The following CDH13 variants were observed in gnomAD, a reference collection of about 807,000 sequenced individuals.
CDH13 encodes the protein cadherin-13.
A neutral mutation model predicts 63.8 loss-of-function variants in CDH13; 24 were observed. That is an observed-to-expected ratio of 0.38 (90% confidence interval 0.27 to 0.53). The LOEUF (loss-of-function observed/expected upper bound fraction) is 0.53, where lower values mean the gene tolerates loss of function less well. CDH13 is among the 20% of genes least tolerant of loss of function. The pLI is 0.85. For synonymous variants in CDH13, 503 were observed against 355.3 expected, an observed-to-expected ratio of 1.42 and a Z score of -4.67; for missense variants, 1,049 against 903.1, an observed-to-expected ratio of 1.16 and a Z score of -2.07.
In CDH13 at chr16:83,406,407, T is replaced by A. The variant is rs535308425; in HGVS notation, c.781+61401T>A. On this transcript the variant is annotated intron_variant, in intron 6 of 13. Coordinates refer to ENST00000567109, the MANE Select transcript of CDH13 (RefSeq NM_001257.5). ...GCCCAAGTTAGAATGGAACCCCAGC[T>A]CTCTTTCTTTCCCCCCCCGCCTCTC... 1.8e-3 allele frequency among the ~76,000 whole-genome samples: 262 copies of A among 149,070 alleles called. 1 individual carries two copies. The highest frequency in any genetic ancestry group is 6.3e-3 in the African/African-American group (255 of 40,464).
At chr16:82,807,411 C>G (rs1037104302) in intron 1 of CDH13, among the ~76,000 whole-genome samples, 2 of 152,080 alleles carry the variant, frequency 1.3e-5, no homozygotes, top group Non-Finnish European at 2.9e-5. Flanking sequence ...AGGAAGAGGT[C>G]TGGTAGCTGA....
intron 2 of CDH13, among the ~76,000 whole-genome samples, chr16:82,863,523 C>T (rs1198211349): frequency 2.0e-5 from 3 of 152,206 alleles, no homozygotes; most frequent in African/African-American, 7.2e-5. Context: ...GAGTTATTCA[C>T]ATCCTCCAAG....
At chr16:82,938,541 G>T (rs11865978) in intron 2 of CDH13, among the ~76,000 whole-genome samples, 56,074 of 152,050 alleles carry the variant, frequency 0.37, 14,624 homozygotes, top group African/African-American at 0.75. Flanking sequence ...AGCATCAGCA[G>T]GGGCCTTCTG....
chr16:83,289,084 T>A (rs2089400555), intron 5 of CDH13, among the ~76,000 whole-genome samples: 1 of 151,912 alleles, frequency 6.6e-6, no homozygotes, highest in African/African-American at 2.4e-5. Context: ...GAAACAGGAG[T>A]GAAAAGAATC....
intron 5 of CDH13, among the ~76,000 whole-genome samples, chr16:83,230,620 C>G (rs901367519): frequency 2.0e-5 from 3 of 152,152 alleles, no homozygotes; most frequent in Non-Finnish European, 4.4e-5. Context: ...AACCCCATCT[C>G]TACTAAAAAC....
At chr16:83,228,602 G>A (rs1309346377) in intron 5 of CDH13, among the ~76,000 whole-genome samples, 1 of 152,232 alleles carries the variant, frequency 6.6e-6, no homozygotes, top group African/African-American at 2.4e-5. Context: ...AGGAATGACA[G>A]GAGACAGAGA....
intron 3 of CDH13, among the ~76,000 whole-genome samples, chr16:83,067,848 C>T (rs765086989): frequency 2.0e-5 from 3 of 152,122 alleles, no homozygotes; most frequent in South Asian, 2.1e-4. Context: ...CTCTAGATAC[C>T]GGAATGTCTC....
intron 7 of CDH13, among the ~76,000 whole-genome samples, chr16:83,556,826 C>G (rs1369111179): frequency 6.6e-6 from 1 of 152,250 alleles, no homozygotes; most frequent in Non-Finnish European, 1.5e-5. Flanking sequence ...ACAGTCTCAG[C>G]TGATGCCAGG....
At chr16:82,821,657 G>A (rs2038004787) in intron 1 of CDH13, among the ~76,000 whole-genome samples, 1 of 152,218 alleles carries the variant, frequency 6.6e-6, no homozygotes. Context: ...CTACAAACAT[G>A]AATCAATGAC....
At chr16:82,643,309 T>A (rs1282979993) in intron 1 of CDH13, among the ~76,000 whole-genome samples, 1 of 152,224 alleles carries the variant, frequency 6.6e-6, no homozygotes, top group Non-Finnish European at 1.5e-5. Context: ...ACACACCACC[T>A]GTCTTACAGT....
At chr16:83,218,407 G>C (rs951174458) in intron 5 of CDH13, among the ~76,000 whole-genome samples, 9 of 152,102 alleles carry the variant, frequency 5.9e-5, no homozygotes, top group African/African-American at 2.2e-4. Context: ...GCATTTGCTG[G>C]GGGAGTCACC....
intron 4 of CDH13, among the ~76,000 whole-genome samples, chr16:83,195,008 T>C (rs1339473610): frequency 1.3e-5 from 2 of 152,236 alleles, no homozygotes; most frequent in East Asian, 1.9e-4. Flanking sequence ...AATATTCCAA[T>C]AGAAATAACC....
intron 13 of CDH13, among the ~76,000 whole-genome samples, chr16:83,793,334 A>T (rs1307845250): frequency 6.6e-6 from 1 of 152,182 alleles, no homozygotes; most frequent in African/African-American, 2.4e-5. Flanking sequence ...GGATCTGAGC[A>T]TCCTAGAGCC....
rs551686166 is a variant in CDH13 at position 82,810,797 on chromosome 16, TG to T, written c.46-47564del. On this transcript the variant is annotated intron_variant, in intron 1 of 13. Coordinates refer to ENST00000567109, the MANE Select transcript of CDH13 (RefSeq NM_001257.5). ...AGAGAAGCTGGACCATGCAGAGCCT[TG>T]TAGGTGATGGGAAGGATTTTGCTTT... Among the ~76,000 whole-genome samples the T allele has an allele frequency of 3.6e-3, 546 of 151,984 alleles. 2 individuals are homozygous for T. The highest frequency in any genetic ancestry group is 0.012 in the African/African-American group (511 of 41,464).
chr16:83,214,070 C>T (rs773637582), intron 4 of CDH13, among the ~76,000 whole-genome samples: 1 of 152,026 alleles, frequency 6.6e-6, no homozygotes, highest in Non-Finnish European at 1.5e-5. Context: ...TGGCCACCCC[C>T]AAGGCAGCAG....
chr16:83,174,611 A>C lies in CDH13; in HGVS notation c.484-42734A>C, dbSNP rs969413290. 8.6e-5 allele frequency among the ~76,000 whole-genome samples: 13 copies of C among 151,946 alleles called. No individual in the cohort carries two copies. In the East Asian group the frequency reaches 2.3e-3, roughly 27 times the overall value. ...AGCCACTAGCCACCTGTGGTTACTTAAATTTACCCTTAAGCTAATTAAAAT... is the reference window on the plus strand; with the variant it reads ...AGCCACTAGCCACCTGTGGTTACTTCAATTTACCCTTAAGCTAATTAAAAT... On this transcript the variant is annotated intron_variant, in intron 4 of 13. Coordinates refer to ENST00000567109, the MANE Select transcript of CDH13 (RefSeq NM_001257.5).
In CDH13 at chr16:83,395,509, C is replaced by A. The variant is rs905902171; in HGVS notation, c.781+50503C>A. Among the ~76,000 whole-genome samples the A allele has an allele frequency of 1.2e-4, 18 of 152,262 alleles. 1 individual carries two copies. The South Asian group carries it at 1.5e-3, about 12-fold the overall frequency. Reference sequence around the variant, plus strand: ...TTCTTCCAGCTACTAGGTTTGACCTCCTGGAGGCCAGGAGTGCAAGGTACA... The same window carrying A: ...TTCTTCCAGCTACTAGGTTTGACCTACTGGAGGCCAGGAGTGCAAGGTACA... On this transcript the variant is annotated intron_variant, in intron 6 of 13. Transcript: ENST00000567109.
chr16:83,587,788 C>G (rs1906312393), intron 7 of CDH13, among the ~76,000 whole-genome samples: 1 of 152,048 alleles, frequency 6.6e-6, no homozygotes, highest in African/African-American at 2.4e-5. Context: ...TAAATTGAAA[C>G]CCAAGGAAAG....
intron 3 of CDH13, among the ~76,000 whole-genome samples, chr16:83,083,339 C>G (rs532988858): frequency 6.6e-6 from 1 of 152,234 alleles, no homozygotes; most frequent in Non-Finnish European, 1.5e-5. Context: ...ACAGTATAAA[C>G]AAGGCTGTGA....
Sources: gnomAD v4.1 joint callset for allele counts (sites outside exome capture counted in the v4.1 genomes callset) on GRCh38, gnomAD v4.1.1 for gene constraint, MANE v1.5 for transcripts, NCBI Gene and HGNC (gene_info 2026-07-23, HGNC 2026-07-21) for gene names.